The following RASGRF1 variants were observed in gnomAD, a reference collection of about 807,000 sequenced individuals.
The protein encoded by RASGRF1 is ras-specific guanine nucleotide-releasing factor 1.
RASGRF1 carries 40 observed loss-of-function variants against 138.7 expected under a neutral mutation model. The ratio of observed to expected loss-of-function variants is 0.29; its 90% CI spans 0.22 to 0.38. RASGRF1 has a LOEUF of 0.38. Among genes scored for constraint, RASGRF1 ranks in the 10% least tolerant of loss-of-function variants. RASGRF1 has a pLI of 1.00. For synonymous variants in RASGRF1, 614 were observed against 663.2 expected, an observed-to-expected ratio of 0.93 and a Z score of 1.14; for missense variants, 1,108 against 1,650.4, an observed-to-expected ratio of 0.67 and a Z score of 5.69.
chr15:79,063,389 G>C (rs781297754), intron 2 of RASGRF1, among the ~76,000 whole-genome samples: 1 of 152,166 alleles, frequency 6.6e-6, no homozygotes, highest in Admixed American at 6.5e-5. Flanking sequence ...CTGACCCAAG[G>C]CTCAAGGACG....
At chr15:79,021,073 C>A (rs1233196213) in intron 10 of RASGRF1, among the ~76,000 whole-genome samples, 1 of 152,182 alleles carries the variant, frequency 6.6e-6, no homozygotes, top group African/African-American at 2.4e-5. Context: ...GAAAAGGATA[C>A]CCCGGCCCCA....
chr15:79,022,358 T>C (rs908897443), intron 10 of RASGRF1, among the ~76,000 whole-genome samples: 23 of 151,974 alleles, frequency 1.5e-4, no homozygotes, highest in African/African-American at 5.6e-4. Context: ...GAGAATCTCT[T>C]GAACCTGGGA....
chr15:78,970,937 C>T (rs1015167083), intron 26 of RASGRF1, among the ~76,000 whole-genome samples: 20 of 151,816 alleles, frequency 1.3e-4, no homozygotes, highest in East Asian at 7.8e-4. Context: ...TATGGTCCTA[C>T]GGACAAAGTC....
rs1251839626 is a variant in RASGRF1, at chr15:79,021,286, T to A, written c.1543-1182A>T. On this transcript the variant is annotated intron_variant, in intron 10 of 26. Transcript: ENST00000558480. ...GATAAAGTAAAACAATAATGAATGA[T>A]AATGGAGACCTGGCCATGTGACTAA... Among the ~76,000 whole-genome samples, 3 of 152,240 alleles carry A rather than the reference T, an allele frequency of 2.0e-5. No homozygotes were observed. The East Asian group carries it at 5.8e-4, about 29-fold the overall frequency.
intron 1 of RASGRF1, among the ~76,000 whole-genome samples, chr15:79,075,053 G>A (rs1254857024): frequency 1.3e-5 from 2 of 152,194 alleles, no homozygotes; most frequent in Non-Finnish European, 2.9e-5. Context: ...GGCTTGACCT[G>A]GGTTGCTGAG....
intron 22 of RASGRF1, among the ~76,000 whole-genome samples, chr15:78,987,415 G>A (rs558321677): frequency 6.6e-6 from 1 of 152,312 alleles, no homozygotes; most frequent in South Asian, 2.1e-4. Context: ...CCAAGAAGGT[G>A]GCCGAGTGCA....
In RASGRF1 at chr15:79,046,783, T is replaced by C; in HGVS notation, c.841A>G (p.Ile281Val). The change falls in exon 5 of 27, where the codon ATC (isoleucine) becomes GTC (valine). Residue 281 changes from isoleucine to valine, a missense_variant. Ile to Val is a conservative substitution (Grantham distance 29). Coordinates refer to ENST00000558480, the MANE Select transcript of RASGRF1 (RefSeq NM_001145648.3). This position sits in a 1 kb window ranked among gnomAD's most constrained non-coding sequence, Gnocchi z 5.3. ...RMAASSKKPP[I>V]THDDVSSIFL... ...ATGCTGCTGACGTCGTCGTGTGTGATGGGAGGCTTCTTGGAGCTGGCGGCC... is the reference window on the plus strand; with the variant it reads ...ATGCTGCTGACGTCGTCGTGTGTGACGGGAGGCTTCTTGGAGCTGGCGGCC... The C allele has an allele frequency of 6.2e-7, 1 of 1,614,280 alleles. No individual in the cohort carries two copies. Among genetic ancestry groups the C allele is most frequent in the Non-Finnish European group, 8.5e-7 (1 of 1,180,054 alleles).
chr15:79,078,181 C>T (rs1269318890), intron 1 of RASGRF1, among the ~76,000 whole-genome samples: 1 of 59,418 alleles, frequency 1.7e-5, no homozygotes, highest in Non-Finnish European at 5.8e-5. Flanking sequence ...GTGCACTTGC[C>T]CTGGCCCAGG....
intron 26 of RASGRF1, among the ~76,000 whole-genome samples, chr15:78,966,493 G>A (rs1423358383): frequency 6.6e-6 from 1 of 151,964 alleles, no homozygotes; most frequent in Non-Finnish European, 1.5e-5. Context: ...TCCTGTCTTG[G>A]CCTCCCAAAG....
At chr15:79,033,581 C>CTTTTTT (rs71148586) in intron 6 of RASGRF1, among the ~76,000 whole-genome samples, 2,978 of 93,286 alleles carry the variant, frequency 0.032, 5 homozygotes, top group Non-Finnish European at 0.039. Flanking sequence ...TTTTTCTTTT[C>CTTTTTT]TTTTTTTTTT....
intron 22 of RASGRF1, chr15:78,985,965 A>T (rs1005105542): frequency 3.3e-5 from 5 of 152,180 alleles, no homozygotes; most frequent in African/African-American, 1.2e-4. Context: ...GAAAACAAAC[A>T]AACATACAAA....
chr15:79,060,553 C>T (rs371851407), intron 2 of RASGRF1, among the ~76,000 whole-genome samples: 20 of 152,338 alleles, frequency 1.3e-4, no homozygotes, highest in Non-Finnish European at 2.2e-4. Context: ...CCACCACCCC[C>T]GCTCAGGCAC....
At chr15:78,999,666 C>T (rs192716144) in intron 17 of RASGRF1, 77 bp downstream of exon 17, 12 of 1,534,138 alleles carry the variant, frequency 7.8e-6, no homozygotes, top group South Asian at 3.6e-5. Context: ...AGCAAGTCCC[C>T]GGGACCATGG....
At chr15:79,010,066 A>G (rs1425420605) in intron 13 of RASGRF1, among the ~76,000 whole-genome samples, 1 of 125,224 alleles carries the variant, frequency 8.0e-6, no homozygotes, top group Admixed American at 8.6e-5. Context: ...ACAGAGTCTC[A>G]CCCACTCTGT....
intron 2 of RASGRF1, among the ~76,000 whole-genome samples, chr15:79,062,695 C>A (rs967004168): frequency 1.3e-5 from 2 of 152,068 alleles, no homozygotes; most frequent in Non-Finnish European, 1.5e-5. Flanking sequence ...TACCACCCCC[C>A]GCTATGCCCA....
chr15:79,078,883 C>T (rs974723597), intron 1 of RASGRF1, among the ~76,000 whole-genome samples: 7 of 152,380 alleles, frequency 4.6e-5, no homozygotes, highest in Admixed American at 2.6e-4. Flanking sequence ...AAGAGGCCTG[C>T]GGCCAGAGAC....
chr15:79,070,825 G>A (rs1298326815), intron 1 of RASGRF1, among the ~76,000 whole-genome samples: 1 of 152,162 alleles, frequency 6.6e-6, no homozygotes, highest in Non-Finnish European at 1.5e-5. Flanking sequence ...TGGCTAGTAT[G>A]GGCTTGGGGT....
At chr15:79,028,905 T>C (rs969495118) in intron 8 of RASGRF1, among the ~76,000 whole-genome samples, 4 of 152,224 alleles carry the variant, frequency 2.6e-5, no homozygotes, top group Non-Finnish European at 5.9e-5. Flanking sequence ...TGAATCAGCA[T>C]GACATTGACC....
chr15:79,076,640 A>T (rs7162454), intron 1 of RASGRF1, among the ~76,000 whole-genome samples: 59,979 of 152,026 alleles, frequency 0.39, 13,197 homozygotes, highest in South Asian at 0.67. Flanking sequence ...AAGTGGCAAG[A>T]GGTGGTGATG....
Sources: allele counts gnomAD v4.1 joint callset (sites outside exome capture counted in the v4.1 genomes callset), GRCh38; gene constraint gnomAD v4.1.1; non-coding constraint Gnocchi (gnomAD v3.1); transcripts MANE v1.5; gene names NCBI Gene and HGNC (gene_info 2026-07-23, HGNC 2026-07-21).